BACH2: variants seen among roughly 807,000 people sequenced by gnomAD.
BACH2 encodes the protein transcription regulator protein BACH2.
A neutral mutation model predicts 61.8 loss-of-function variants in BACH2; 5 were observed. The observed-to-expected ratio is 0.08, with a 90% CI of 0.04 to 0.17. The LOEUF is 0.17. Among genes scored for constraint, BACH2 ranks in the 10% least tolerant of loss-of-function variants. The pLI, the probability that BACH2 is intolerant of heterozygous loss-of-function variation, is 1.00. For missense variants in BACH2, 824 were observed against 1,091.1 expected, an observed-to-expected ratio of 0.76 and a Z score of 3.45; for synonymous variants, 446 against 440.1, an observed-to-expected ratio of 1.01 and a Z score of -0.17.
intron 6 of BACH2, among the ~76,000 whole-genome samples, chr6:89,958,817 T>C (rs1466422345): frequency 6.6e-6 from 1 of 152,126 alleles, no homozygotes. Flanking sequence ...CTCATCATCT[T>C]CCGGCTTTTC....
At chr6:90,193,227 G>A (rs150476089) in intron 4 of BACH2, among the ~76,000 whole-genome samples, 1 of 152,198 alleles carries the variant, frequency 6.6e-6, no homozygotes, top group East Asian at 1.9e-4. Flanking sequence ...CTAACCCCCA[G>A]TACCTCAGAA....
chr6:90,059,530 C>T (rs915858278), intron 5 of BACH2, among the ~76,000 whole-genome samples: 3 of 152,148 alleles, frequency 2.0e-5, no homozygotes, highest in Non-Finnish European at 4.4e-5. Context: ...GTTGGTAGGA[C>T]TGTAAACTAG....
chr6:90,135,618 G>GT (rs1784245729), intron 4 of BACH2, among the ~76,000 whole-genome samples: 1 of 152,132 alleles, frequency 6.6e-6, no homozygotes, highest in Non-Finnish European at 1.5e-5. Context: ...CGAGAGCTGA[G>GT]TAGGAGGACT....
intron 4 of BACH2, among the ~76,000 whole-genome samples, chr6:90,157,279 C>T (rs1785027445): frequency 1.3e-5 from 2 of 152,302 alleles, no homozygotes; most frequent in South Asian, 4.1e-4. Flanking sequence ...TCAACATATT[C>T]ACTTGGTAGA....
chr6:90,271,366 T>TAAAAAAAAAAAAA (rs3073450), intron 2 of BACH2, among the ~76,000 whole-genome samples: 8 of 103,872 alleles, frequency 7.7e-5, no homozygotes, highest in African/African-American at 3.2e-4. Flanking sequence ...CAACCCCATT[T>TAAAAAAAAAAAAA]AAAAAAAAAA....
rs970986434 is a variant in BACH2, at chr6:90,093,556, T to A, written c.-161-4447A>T. On this transcript the variant is annotated intron_variant, in intron 4 of 8. Transcript: ENST00000257749. ...GAACTGAATTTTTAACTTTAGTCAA[T>A]TTAAATCAACTGAAATTTAAATAGC... is the stretch of plus-strand genomic sequence containing the variant. Among the ~76,000 whole-genome samples the A allele has an allele frequency of 2.2e-4, 33 of 152,206 alleles. 1 individual carries two copies. The highest frequency in any genetic ancestry group is 5.9e-5 in the Non-Finnish European group (4 of 68,030).
chr6:90,246,046 G>A (rs187919666), intron 3 of BACH2, among the ~76,000 whole-genome samples: 4 of 152,304 alleles, frequency 2.6e-5, no homozygotes, highest in Non-Finnish European at 2.9e-5. Flanking sequence ...GACTGATAAC[G>A]TGGCAAGCTG....
At chr6:90,152,865 T>C (rs1264173829) in intron 4 of BACH2, among the ~76,000 whole-genome samples, 1 of 152,194 alleles carries the variant, frequency 6.6e-6, no homozygotes, top group Non-Finnish European at 1.5e-5. Flanking sequence ...ATTTCAAACA[T>C]AAGGAGGACT....
intron 5 of BACH2, among the ~76,000 whole-genome samples, chr6:90,071,793 C>A (rs1171618287): frequency 6.6e-6 from 1 of 152,230 alleles, no homozygotes; most frequent in African/African-American, 2.4e-5. Flanking sequence ...TCCATTAACA[C>A]ATATTTTGTA....
At chr6:90,272,894 C>T (rs550312779) in intron 1 of BACH2, among the ~76,000 whole-genome samples, 2 of 152,286 alleles carry the variant, frequency 1.3e-5, no homozygotes, top group South Asian at 4.1e-4. Context: ...ATCTTCCTCT[C>T]GCTATCCCCA....
Position 89,929,865 on chromosome 6 carries a change from AAGAGG to A in BACH2, c.*2538_*2542del, listed in dbSNP as rs1243514411. 1.3e-5 allele frequency: 2 copies of A among 152,380 alleles called. No individual in the cohort carries two copies. Among genetic ancestry groups the A allele is most frequent in the East Asian group, 3.8e-4 (2 of 5,310 alleles). 9.4% of individuals were successfully genotyped at this position (152,380 alleles called of 1,614,324 possible). A position where few individuals can be genotyped will look rare whatever the true frequency, so the allele number is the denominator to read the frequency against. On this transcript the variant is annotated 3_prime_UTR_variant, in exon 9 of 9. Transcript: ENST00000257749. ...GCAGAAAGTGTTCTTTTTTTAAAAG[AAGAGG>A]AGAGGTCACTTGGAAAGGCAACAAT...
At chr6:90,137,343 T>C (rs549380886) in intron 4 of BACH2, among the ~76,000 whole-genome samples, 1 of 152,268 alleles carries the variant, frequency 6.6e-6, no homozygotes, top group Admixed American at 6.5e-5. Flanking sequence ...ATGTTTCTGC[T>C]GGAGTGAGAA....
At chr6:89,997,005 G>GCACA (rs60037899) in intron 6 of BACH2, among the ~76,000 whole-genome samples, 4,797 of 149,584 alleles carry the variant, frequency 0.032, 269 homozygotes, top group African/African-American at 0.11. Flanking sequence ...ATGCACACGG[G>GCACA]CACACACACA....
intron 5 of BACH2, among the ~76,000 whole-genome samples, chr6:90,016,884 T>C (rs995255565): frequency 6.6e-6 from 1 of 151,970 alleles, no homozygotes; most frequent in Non-Finnish European, 1.5e-5. Flanking sequence ...CAGTGAAAAA[T>C]CTGTCATCCT....
At chr6:90,131,723 ACT>A (rs1210864277) in intron 4 of BACH2, among the ~76,000 whole-genome samples, 2 of 152,182 alleles carry the variant, frequency 1.3e-5, no homozygotes, top group Non-Finnish European at 2.9e-5. Context: ...ATGTAGCGTG[ACT>A]CTGTGGAAAA....
chr6:90,276,947 T>A (rs1312337045), intron 1 of BACH2, among the ~76,000 whole-genome samples: 1 of 152,154 alleles, frequency 6.6e-6, no homozygotes, highest in Non-Finnish European at 1.5e-5. Context: ...ATTTTCATCC[T>A]CCCTTGAAAA....
chr6:90,062,398 C>T (rs1024396261), intron 5 of BACH2, among the ~76,000 whole-genome samples: 1 of 148,194 alleles, frequency 6.7e-6, no homozygotes, highest in East Asian at 2.2e-4. Context: ...AGGTGATTAA[C>T]TCAATATACA....
At chr6:90,193,982 A>C (rs927679997) in intron 4 of BACH2, among the ~76,000 whole-genome samples, 5 of 152,198 alleles carry the variant, frequency 3.3e-5, no homozygotes, top group African/African-American at 1.2e-4. Flanking sequence ...TCTTCTGCCA[A>C]TAGAAGTAGA....
rs76254643 is a variant in BACH2, at chr6:89,969,050, CTTTTTT to C, written c.244-17194_244-17189del. ...AAAGAATGTGTCTTAAAAATGTAGT[CTTTTTT>C]TTTTTTTTTTTTTTTAGGCTGAGTT... On this transcript the variant is annotated intron_variant, in intron 6 of 8. Coordinates refer to ENST00000257749, the MANE Select transcript of BACH2 (RefSeq NM_021813.4). 6.3e-4 allele frequency among the ~76,000 whole-genome samples: 72 copies of C among 113,960 alleles called. 1 individual carries two copies. Among genetic ancestry groups the C allele is most frequent in the African/African-American group, 2.3e-3 (69 of 30,492 alleles). 74.8% of individuals were successfully genotyped at this position (113,960 alleles called of 152,430 possible). A position where few individuals can be genotyped will look rare whatever the true frequency, so the allele number is the denominator to read the frequency against.
Sources: gnomAD v4.1 joint callset for allele counts (sites outside exome capture counted in the v4.1 genomes callset) on GRCh38, gnomAD v4.1.1 for gene constraint, MANE v1.5 for transcripts, NCBI Gene and HGNC (gene_info 2026-07-23, HGNC 2026-07-21) for gene names.